Variants in CDH4 observed in about 807,000 individuals in gnomAD.
CDH4 encodes the protein cadherin-4.
In CDH4, 33 loss-of-function variants were observed where a neutral mutation model predicts 86.0. The observed-to-expected ratio is 0.38, with a 90% confidence interval of 0.29 to 0.51. CDH4 has a LOEUF of 0.51. Among genes scored for constraint, CDH4 ranks in the 20% least tolerant of loss-of-function variants. The pLI is 0.86. For missense variants in CDH4, 1,114 were observed against 1,307.4 expected (o/e 0.85, Z 2.28); for synonymous variants, 555 against 549.4 (o/e 1.01, Z -0.14).
At chr20:61,363,506 C>A (rs1296497848) in intron 2 of CDH4, among the ~76,000 whole-genome samples, 1 of 151,292 alleles carries the variant, frequency 6.6e-6, no homozygotes, top group African/African-American at 2.4e-5. Flanking sequence ...ACACCTATGA[C>A]AAATGTTATA....
chr20:61,592,884 T>C (rs1038400117), intron 2 of CDH4, among the ~76,000 whole-genome samples: 1 of 152,168 alleles, frequency 6.6e-6, no homozygotes, highest in African/African-American at 2.4e-5. Context: ...CCCTGGAGCC[T>C]GTGAATATGG....
chr20:61,591,997 G>C (rs1381622312), intron 2 of CDH4, among the ~76,000 whole-genome samples: 2 of 152,170 alleles, frequency 1.3e-5, no homozygotes, highest in Non-Finnish European at 2.9e-5. Context: ...GCAACAGACT[G>C]ACGCGTTCCT....
chr20:61,565,224 G>GGTCCTCTTGGTGATGGGGTGA (rs1568688507), intron 2 of CDH4, among the ~76,000 whole-genome samples: 3 of 44,316 alleles, frequency 6.8e-5, no homozygotes, highest in Non-Finnish European at 1.5e-4. Context: ...TCGGTGGTAG[G>GGTCCTCTTGGTGATGGGGTGA]TGGTGGTGGT....
chr20:61,525,559 CA>C (rs1311904741), intron 2 of CDH4, among the ~76,000 whole-genome samples: 2 of 152,216 alleles, frequency 1.3e-5, no homozygotes, highest in African/African-American at 4.8e-5. Flanking sequence ...CCTCCAGCTG[CA>C]GAAGCCGGGA....
At chr20:61,699,159 C>T (rs1181193705) in intron 2 of CDH4, among the ~76,000 whole-genome samples, 5 of 152,232 alleles carry the variant, frequency 3.3e-5, no homozygotes, top group Middle Eastern at 3.2e-3. Context: ...TGTGTGGTGG[C>T]GCACAGGCGC....
intron 7 of CDH4, among the ~76,000 whole-genome samples, chr20:61,877,082 C>A (rs998482569): frequency 6.6e-6 from 1 of 152,150 alleles, no homozygotes; most frequent in Non-Finnish European, 1.5e-5. Flanking sequence ...GGAGGGACAC[C>A]CCCTGGCCTC....
At chr20:61,294,516 C>T (rs953356397) in intron 2 of CDH4, among the ~76,000 whole-genome samples, 12 of 152,244 alleles carry the variant, frequency 7.9e-5, no homozygotes, top group East Asian at 1.9e-4. Flanking sequence ...CTTTAATGGA[C>T]GGCTGAGTGG....
intron 2 of CDH4, among the ~76,000 whole-genome samples, chr20:61,741,515 C>T (rs1003116262): frequency 1.3e-5 from 2 of 150,586 alleles, no homozygotes; most frequent in Admixed American, 6.6e-5. Context: ...TTTTTGAGAC[C>T]GAGTCTCGCT....
At chr20:61,636,755 G>T (rs1022248739) in intron 2 of CDH4, among the ~76,000 whole-genome samples, 1 of 152,224 alleles carries the variant, frequency 6.6e-6, no homozygotes, top group Admixed American at 6.5e-5. Flanking sequence ...GAGTCGCTCC[G>T]TCACTGTGAA....
chr20:61,810,930 C>T lies in CDH4; in HGVS notation c.577-33738C>T, dbSNP rs534988604. On this transcript the variant is annotated intron_variant, in intron 4 of 15. Coordinates refer to ENST00000614565, the MANE Select transcript of CDH4 (RefSeq NM_001794.5). This position sits in a 1 kb window ranked among gnomAD's most constrained non-coding sequence, Gnocchi z 4.3. The stretch of plus-strand genomic sequence containing the variant: ...AGCTTCGAGACGGGGGCTGCAGGAG[C>T]CTGCAGAGCCTGCGTTATCCTGCAC... Among the ~76,000 whole-genome samples, 3 of 152,304 alleles carry T rather than the reference C, an allele frequency of 2.0e-5. No homozygotes were observed. In the South Asian group the frequency reaches 6.2e-4, roughly 32 times the overall value.
chr20:61,279,412 G>A (rs557560282), intron 2 of CDH4, among the ~76,000 whole-genome samples: 2 of 152,142 alleles, frequency 1.3e-5, no homozygotes, highest in African/African-American at 2.4e-5. Context: ...CAGCCCCTGC[G>A]TCTCTGGACC....
At chr20:61,575,420 A>G (rs78280302) in intron 2 of CDH4, among the ~76,000 whole-genome samples, 2,332 of 152,334 alleles carry the variant, frequency 0.015, 62 homozygotes, top group African/African-American at 0.053. Flanking sequence ...TGTCAGATTC[A>G]GTGACACATT....
At chr20:61,669,596 C>T (rs911044464) in intron 2 of CDH4, among the ~76,000 whole-genome samples, 23 of 152,184 alleles carry the variant, frequency 1.5e-4, no homozygotes, top group African/African-American at 5.5e-4. Flanking sequence ...GCTCAAATCC[C>T]ATCAGAAACT....
intron 2 of CDH4, among the ~76,000 whole-genome samples, chr20:61,617,585 G>T (rs957184379): frequency 1.3e-5 from 2 of 152,226 alleles, no homozygotes; most frequent in Non-Finnish European, 2.9e-5. Context: ...TGGGTCACAG[G>T]TTCGAAATCT....
At position 61,681,862 on chromosome 20, in the gene CDH4, A is replaced by C. The variant is rs1568752779; in HGVS notation, c.170-61701A>C. Among the ~76,000 whole-genome samples, 1 of 152,198 alleles carries C rather than the reference A, an allele frequency of 6.6e-6. No individual in the cohort carries two copies. Among genetic ancestry groups the C allele is most frequent in the Non-Finnish European group, 1.5e-5 (1 of 68,030 alleles). On this transcript the variant is annotated intron_variant, in intron 2 of 15. Coordinates refer to ENST00000614565, the MANE Select transcript of CDH4 (RefSeq NM_001794.5). The surrounding 1 kb of genome is among the most constrained non-coding windows in gnomAD (Gnocchi z 4.5). The stretch of plus-strand genomic sequence containing the variant: ...TTGTCTTTGAGGGTGTGTGGTGTAT[A>C]CGGGAGCAAGCAGGTTCAGCAGAAA...
intron 5 of CDH4, among the ~76,000 whole-genome samples, chr20:61,847,019 A>G (rs1463535633): frequency 1.3e-5 from 2 of 152,238 alleles, no homozygotes; most frequent in Non-Finnish European, 2.9e-5. Context: ...TGCTGAATGC[A>G]CAGTGATTCC....
intron 2 of CDH4, among the ~76,000 whole-genome samples, chr20:61,428,664 C>T (rs1398766751): frequency 3.9e-5 from 6 of 152,292 alleles, no homozygotes; most frequent in Admixed American, 2.6e-4. Flanking sequence ...CCGGGATGGG[C>T]GTCCAGGACT....
intron 2 of CDH4, among the ~76,000 whole-genome samples, chr20:61,327,576 G>A (rs986751420): frequency 6.6e-6 from 1 of 152,200 alleles, no homozygotes; most frequent in Non-Finnish European, 1.5e-5. Flanking sequence ...GATTGGCGAA[G>A]ATTAGAAAGT....
At chr20:61,359,748 A>G (rs532380774) in intron 2 of CDH4, among the ~76,000 whole-genome samples, 8 of 152,344 alleles carry the variant, frequency 5.3e-5, no homozygotes, top group Admixed American at 2.6e-4. Flanking sequence ...CCAAGTCTAC[A>G]GTGTGCCCTG....
Sources: gnomAD v4.1 joint callset for allele counts (sites outside exome capture counted in the v4.1 genomes callset) on GRCh38, gnomAD v4.1.1 for gene constraint, Gnocchi (gnomAD v3.1) non-coding constraint, MANE v1.5 for transcripts, NCBI Gene and HGNC (gene_info 2026-07-23, HGNC 2026-07-21) for gene names.